The following EXOC2 variants were observed in gnomAD, a reference collection of about 807,000 sequenced individuals.
EXOC2 encodes the protein exocyst complex component 2, also known as SEC5-like 1.
Under a neutral mutation model 131.8 loss-of-function variants are expected in EXOC2, and 70 were observed. That is an observed-to-expected ratio of 0.53 (90% CI 0.44 to 0.65). EXOC2 has a LOEUF of 0.65. Among genes scored for constraint, EXOC2 ranks in the 30% least tolerant of loss-of-function variants. The probability of loss-of-function intolerance (pLI) is 0.00; values close to 1 mark genes in which losing one functional copy is unlikely to be tolerated. For synonymous variants in EXOC2, 411 were observed against 398.4 expected (o/e 1.03, Z -0.38); for missense variants, 923 against 1,108.6 (o/e 0.83, Z 2.38).
At position 532,618 on chromosome 6, in the gene EXOC2, C is replaced by T. The variant is rs1213104353; in HGVS notation, c.2239-8G>A. ...CAATGAGGCCATGCTAACCTATAAA[C>T]ACATAATGAAGAGTATGAGTTGCCT... On this transcript the variant is annotated splice_region_variant and splice_polypyrimidine_tract_variant and intron_variant, in intron 22 of 27. Coordinates refer to ENST00000230449, the MANE Select transcript of EXOC2 (RefSeq NM_018303.6). The T allele has an allele frequency of 1.3e-6, 2 of 1,535,812 alleles. No homozygotes were observed. Among genetic ancestry groups the T allele is most frequent in the Non-Finnish European group, 1.7e-6 (2 of 1,146,822 alleles).
chr6:526,596 G>A (rs1055082897), intron 23 of EXOC2, among the ~76,000 whole-genome samples: 24 of 151,878 alleles, frequency 1.6e-4, no homozygotes, highest in Non-Finnish European at 2.8e-4. Flanking sequence ...ATGCACCACC[G>A]TGCCCGGTTA....
intron 21 of EXOC2, among the ~76,000 whole-genome samples, chr6:553,612 AACCACACAGATGCAGACAGTAT>A (rs1173009488): frequency 1.3e-5 from 2 of 152,168 alleles, no homozygotes; most frequent in East Asian, 3.9e-4. Context: ...AACACTCGGA[AACCACACAGATGCAGACAGTAT>A]ATGGAATGAC....
intron 7 of EXOC2, among the ~76,000 whole-genome samples, chr6:609,396 T>C (rs1390335987): frequency 2.6e-5 from 4 of 152,216 alleles, no homozygotes; most frequent in African/African-American, 9.6e-5. Flanking sequence ...TAAACTATAG[T>C]TGTGAAAAGA....
rs77456107 is a variant in EXOC2, at chr6:674,745, G to T, written c.-44+18274C>A. 3.2e-4 allele frequency among the ~76,000 whole-genome samples: 36 copies of T among 111,714 alleles called. 1 individual carries two copies. Among genetic ancestry groups the T allele is most frequent in the African/African-American group, 1.3e-3 (34 of 26,024 alleles). The allele number at this position is 111,714 out of a possible 152,430, so 73.3% of individuals were successfully genotyped here. Reference sequence around the variant, plus strand: ...TTGTTTGTTTGTTTGTTTGTTTGTTGTCAGTGCTTTATGATGCTTTGACAT... The same window carrying T: ...TTGTTTGTTTGTTTGTTTGTTTGTTTTCAGTGCTTTATGATGCTTTGACAT... On this transcript the variant is annotated intron_variant, in intron 1 of 27. Transcript: ENST00000230449.
chr6:573,980 A>G (rs747288139), intron 12 of EXOC2, among the ~76,000 whole-genome samples: 1 of 152,222 alleles, frequency 6.6e-6, no homozygotes, highest in Non-Finnish European at 1.5e-5. Context: ...AAGGCCAAAC[A>G]CACTCTTTTG....
chr6:631,124 T>C (rs1157151805), intron 3 of EXOC2, among the ~76,000 whole-genome samples: 1 of 152,244 alleles, frequency 6.6e-6, no homozygotes, highest in African/African-American at 2.4e-5. Context: ...GCTGTCTGAA[T>C]ACCAGGCAAC....
At chr6:691,166 G>T (rs1306680612) in intron 1 of EXOC2, among the ~76,000 whole-genome samples, 1 of 152,184 alleles carries the variant, frequency 6.6e-6, no homozygotes, top group Non-Finnish European at 1.5e-5. Context: ...TTCTTTGCTA[G>T]AAGACTATTT....
At chr6:571,338 A>G (rs909133756) in intron 13 of EXOC2, among the ~76,000 whole-genome samples, 5 of 152,216 alleles carry the variant, frequency 3.3e-5, no homozygotes, top group African/African-American at 1.2e-4. Context: ...GTGTTCATGC[A>G]TTACACATTT....
rs1278369781 is a variant in EXOC2, at chr6:514,615, T to C, written c.2381-14915A>G. ...CCCTGGTGTGCATGTGAGGCTTTCT[T>C]AGGAGCTGCAGGGCGAGGGCTGTGA... On this transcript the variant is annotated intron_variant, in intron 23 of 27. Coordinates refer to ENST00000230449, the MANE Select transcript of EXOC2 (RefSeq NM_018303.6). 4.6e-5 allele frequency among the ~76,000 whole-genome samples: 7 copies of C among 152,306 alleles called. No homozygotes were observed. In the East Asian group the frequency reaches 1.4e-3, roughly 29 times the overall value.
chr6:629,737 C>A, intron 4 of EXOC2, 98 bp downstream of exon 4: 2 of 1,450,210 alleles, frequency 1.4e-6, no homozygotes, highest in Admixed American at 2.1e-5. Flanking sequence ...AACTGTGTTT[C>A]CTGGGATGTT....
At chr6:523,761 A>G (rs796532843) in intron 23 of EXOC2, among the ~76,000 whole-genome samples, 4 of 152,350 alleles carry the variant, frequency 2.6e-5, no homozygotes, top group African/African-American at 9.6e-5. Context: ...ATAGCTCACT[A>G]TAACCCTGAA....
chr6:499,907 T>C (rs540066058), intron 23 of EXOC2, among the ~76,000 whole-genome samples: 1 of 152,326 alleles, frequency 6.6e-6, no homozygotes, highest in South Asian at 2.1e-4. Context: ...AGTTTTCTTT[T>C]ATTGTTTTTC....
At chr6:671,945 C>A (rs983474262) in intron 1 of EXOC2, among the ~76,000 whole-genome samples, 1 of 151,836 alleles carries the variant, frequency 6.6e-6, no homozygotes, top group African/African-American at 2.4e-5. Flanking sequence ...TACTTGCTTG[C>A]CTACTGTTCT....
intron 1 of EXOC2, among the ~76,000 whole-genome samples, chr6:668,593 C>G (rs1004386644): frequency 6.6e-6 from 1 of 152,186 alleles, no homozygotes; most frequent in Admixed American, 6.5e-5. Context: ...ACAACCTAAC[C>G]TCCCTCAGCC....
intron 23 of EXOC2, among the ~76,000 whole-genome samples, chr6:509,576 A>G (rs1214212777): frequency 1.3e-5 from 2 of 152,230 alleles, no homozygotes; most frequent in Non-Finnish European, 2.9e-5. Context: ...ATAAAATTTT[A>G]ATACGAAAAT....
chr6:538,858 G>A (rs1232035758), intron 22 of EXOC2, among the ~76,000 whole-genome samples: 1 of 152,114 alleles, frequency 6.6e-6, no homozygotes, highest in African/African-American at 2.4e-5. Context: ...TGGATCACGG[G>A]GTCAGGAGTT....
chr6:626,994 A>C (rs1054624306), intron 4 of EXOC2, among the ~76,000 whole-genome samples: 2 of 152,164 alleles, frequency 1.3e-5, no homozygotes, highest in Non-Finnish European at 2.9e-5. Flanking sequence ...TAGGTTTTTA[A>C]TTATTTTTTT....
At position 627,492 on chromosome 6, in the gene EXOC2, G is replaced by C. The variant is rs116761458; in HGVS notation, c.422+2343C>G. On this transcript the variant is annotated intron_variant, in intron 4 of 27. Coordinates refer to ENST00000230449, the MANE Select transcript of EXOC2 (RefSeq NM_018303.6). The stretch of plus-strand genomic sequence containing the variant: ...TGTTCCCTGATGCTACAGGATCCGC[G>C]CCTTTCTCTGATCATTGGCTATTCT... 9.3e-3 allele frequency among the ~76,000 whole-genome samples: 1,415 copies of C among 152,216 alleles called. 27 individuals are homozygous for C. Among genetic ancestry groups the C allele is most frequent in the African/African-American group, 0.031 (1,305 of 41,534 alleles).
intron 1 of EXOC2, chr6:655,823 T>G: frequency 3.6e-6 from 1 of 274,870 alleles, no homozygotes; most frequent in Non-Finnish European, 6.9e-6. Flanking sequence ...AAATACTTAT[T>G]TCATTACAAC....
Sources: allele counts gnomAD v4.1 joint callset (sites outside exome capture counted in the v4.1 genomes callset), GRCh38; gene constraint gnomAD v4.1.1; transcripts MANE v1.5; gene names NCBI Gene and HGNC (gene_info 2026-07-23, HGNC 2026-07-21).